CNTN5: variants seen among roughly 807,000 people sequenced by gnomAD.
CNTN5 encodes the protein contactin 5.
A neutral mutation model predicts 129.1 loss-of-function variants in CNTN5; 77 were observed. That is an observed-to-expected ratio of 0.60 (90% CI 0.50 to 0.72). The LOEUF (loss-of-function observed/expected upper bound fraction) is 0.72. Among genes scored for constraint, CNTN5 ranks in the 30% least tolerant of loss-of-function variants. The pLI is 0.00. For synonymous variants in CNTN5, 509 were observed against 465.6 expected (o/e 1.09, Z -1.20); for missense variants, 1,478 against 1,328.8 (o/e 1.11, Z -1.75).
chr11:99,678,560 A>G (rs1953402424), intron 3 of CNTN5, among the ~76,000 whole-genome samples: 1 of 152,102 alleles, frequency 6.6e-6, no homozygotes, highest in African/African-American at 2.4e-5. Flanking sequence ...TTAACTCTAA[A>G]CAGAAAATTA....
intron 2 of CNTN5, among the ~76,000 whole-genome samples, chr11:99,492,114 C>T (rs1373235812): frequency 3.9e-5 from 6 of 152,106 alleles, no homozygotes; most frequent in Non-Finnish European, 5.9e-5. Flanking sequence ...GTTGGGTTCA[C>T]GCTATTCCTG....
chr11:100,047,948 G>A lies in CNTN5; in HGVS notation c.981-13264G>A, dbSNP rs576353245. ...AGATGGAGACCATCCTGGCTAACAC[G>A]ATGAAACTCTGTCTCTACTAAAAAT... On this transcript the variant is annotated intron_variant, in intron 9 of 24. Coordinates refer to ENST00000524871, the MANE Select transcript of CNTN5 (RefSeq NM_014361.4). 9.9e-5 allele frequency among the ~76,000 whole-genome samples: 15 copies of A among 152,182 alleles called. No individual in the cohort carries two copies. In the South Asian group the frequency reaches 2.9e-3, roughly 29 times the overall value.
chr11:99,154,422 T>G (rs897372972), intron 1 of CNTN5, among the ~76,000 whole-genome samples: 3 of 152,124 alleles, frequency 2.0e-5, no homozygotes, highest in Admixed American at 2.0e-4. Context: ...GTGTGCCTGT[T>G]TTTGCCAGCA....
rs374334527 is a variant in CNTN5, at chr11:99,699,943, C to T, written c.56-119601C>T. ...ATTCCACTGAGAGCACTTTGCAAAC[C>T]CTAACACAGCAGCCTGGCACATATT... On this transcript the variant is annotated intron_variant, in intron 3 of 24. Transcript: ENST00000524871. Among the ~76,000 whole-genome samples, 18 of 151,336 alleles carry T rather than the reference C, an allele frequency of 1.2e-4. No homozygotes were observed. The South Asian group carries it at 3.5e-3, about 30-fold the overall frequency.
At position 99,576,467 on chromosome 11, in the gene CNTN5, T is replaced by C. The variant is rs1036864568; in HGVS notation, c.55+20198T>C. Among the ~76,000 whole-genome samples, 7 of 152,306 alleles carry C rather than the reference T, an allele frequency of 4.6e-5. No individual in the cohort carries two copies. In the South Asian group the frequency reaches 6.2e-4, roughly 14 times the overall value. On this transcript the variant is annotated intron_variant, in intron 3 of 24. Coordinates refer to ENST00000524871, the MANE Select transcript of CNTN5 (RefSeq NM_014361.4). ...ATATAACCCTTTTGGTAGCCTTTCATTGATGTTTTTCTTTCAGTAAAAATG... is the reference window on the plus strand; with the variant it reads ...ATATAACCCTTTTGGTAGCCTTTCACTGATGTTTTTCTTTCAGTAAAAATG...
chr11:100,326,731 A>G (rs1951795199), intron 21 of CNTN5, among the ~76,000 whole-genome samples: 1 of 152,210 alleles, frequency 6.6e-6, no homozygotes, highest in Non-Finnish European at 1.5e-5. Flanking sequence ...AATAATAATT[A>G]TATTAAAAAT....
intron 2 of CNTN5, among the ~76,000 whole-genome samples, chr11:99,434,810 C>T (rs550954750): frequency 1.5e-4 from 23 of 152,204 alleles, no homozygotes; most frequent in East Asian, 1.4e-3. Flanking sequence ...TAGAAGACTC[C>T]TATTTATGCT....
At chr11:100,278,621 A>T (rs1365915959) in intron 18 of CNTN5, among the ~76,000 whole-genome samples, 1 of 152,098 alleles carries the variant, frequency 6.6e-6, no homozygotes, top group Non-Finnish European at 1.5e-5. Context: ...CAGTTTGCAT[A>T]TAAAAATGCT....
At chr11:100,131,598 A>G (rs897186164) in intron 13 of CNTN5, among the ~76,000 whole-genome samples, 5 of 152,034 alleles carry the variant, frequency 3.3e-5, no homozygotes, top group African/African-American at 1.2e-4. Flanking sequence ...GCCAACAGAG[A>G]GTATAAATGA....
At chr11:99,449,426 A>G (rs963002480) in intron 2 of CNTN5, among the ~76,000 whole-genome samples, 3 of 152,242 alleles carry the variant, frequency 2.0e-5, no homozygotes, top group Admixed American at 2.0e-4. Context: ...TTATATTTGT[A>G]TGGTTTGAAA....
chr11:99,046,535 A>G (rs568958016), intron 1 of CNTN5, among the ~76,000 whole-genome samples: 32 of 152,304 alleles, frequency 2.1e-4, no homozygotes, highest in Non-Finnish European at 3.2e-4. Flanking sequence ...TTTATGATAC[A>G]TTGTTTATAA....
intron 6 of CNTN5, among the ~76,000 whole-genome samples, chr11:99,889,824 A>G (rs12417309): frequency 0.13 from 20,117 of 152,140 alleles, 1,822 homozygotes; most frequent in East Asian, 0.43. Flanking sequence ...TGGGATTAGA[A>G]GCATGAGCCA....
At chr11:99,973,844 C>A (rs975712965) in intron 8 of CNTN5, among the ~76,000 whole-genome samples, 5 of 152,156 alleles carry the variant, frequency 3.3e-5, no homozygotes, top group African/African-American at 1.2e-4. Context: ...AGAGTTCACT[C>A]CAATGAGATA....
intron 17 of CNTN5, among the ~76,000 whole-genome samples, chr11:100,266,536 CATTAT>C (rs1040449829): frequency 2.0e-5 from 3 of 151,480 alleles, no homozygotes; most frequent in African/African-American, 7.3e-5. Flanking sequence ...TTTCATATTG[CATTAT>C]ATTTCACCAA....
intron 9 of CNTN5, among the ~76,000 whole-genome samples, chr11:100,025,406 T>G (rs1448679069): frequency 6.6e-6 from 1 of 152,228 alleles, no homozygotes; most frequent in Non-Finnish European, 1.5e-5. Context: ...GAACCTATGC[T>G]GGTGCAGTGC....
intron 16 of CNTN5, among the ~76,000 whole-genome samples, chr11:100,234,946 C>G (rs1223556784): frequency 3.9e-5 from 6 of 152,018 alleles, no homozygotes; most frequent in African/African-American, 9.7e-5. Flanking sequence ...GGGGCAAAAC[C>G]AAAACTCCCA....
At chr11:99,741,150 G>T (rs1943876559) in intron 3 of CNTN5, among the ~76,000 whole-genome samples, 1 of 152,096 alleles carries the variant, frequency 6.6e-6, no homozygotes, top group South Asian at 2.1e-4. Context: ...TATTCAGTGA[G>T]ATAAAAGAAT....
chr11:99,957,119 G>C, intron 8 of CNTN5, 110 bp downstream of exon 8: 1 of 959,692 alleles, frequency 1.0e-6, no homozygotes, highest in South Asian at 1.8e-5. Context: ...AAAATAAAAA[G>C]GCATTTGCCA....
intron 1 of CNTN5, among the ~76,000 whole-genome samples, chr11:99,079,158 A>G (rs1051958153): frequency 6.6e-6 from 1 of 152,134 alleles, no homozygotes; most frequent in Admixed American, 6.5e-5. Flanking sequence ...TCTCTTGGCA[A>G]ATTTCCATTT....
Sources: allele counts gnomAD v4.1 joint callset (sites outside exome capture counted in the v4.1 genomes callset), GRCh38; gene constraint gnomAD v4.1.1; transcripts MANE v1.5; gene names NCBI Gene and HGNC (gene_info 2026-07-23, HGNC 2026-07-21).